GLCCI1: variants seen among roughly 807,000 people sequenced by gnomAD.
GLCCI1 encodes glucocorticoid induced 1.
A neutral mutation model predicts 52.2 loss-of-function variants in GLCCI1; 24 were observed. That is an observed-to-expected ratio of 0.46 (90% confidence interval 0.33 to 0.65). The LOEUF (loss-of-function observed/expected upper bound fraction) is 0.65. Ranked by LOEUF, GLCCI1 falls within the 30% of genes least tolerant of loss-of-function variation. The pLI, the probability that GLCCI1 is intolerant of heterozygous loss-of-function variation, is 0.02. For missense variants in GLCCI1, 704 were observed against 701.5 expected, an observed-to-expected ratio of 1.00 and a Z score of -0.04; for synonymous variants, 310 against 276.5, an observed-to-expected ratio of 1.12 and a Z score of -1.20.
intron 5 of GLCCI1, 93 bp downstream of exon 5, chr7:8,060,341 A>G: frequency 1.0e-6 from 1 of 960,226 alleles, no homozygotes; most frequent in Non-Finnish European, 1.6e-6. Flanking sequence ...GTTAAGATAT[A>G]ATTCACATAC....
In GLCCI1 at chr7:8,050,782, T is replaced by A. The variant is rs143049996; in HGVS notation, c.697-4651T>A. ...AGAGAGCAGAATGTGGAATTCCACTTACTGAGTCCAAACACTTGTTTACCA... is the reference window on the plus strand; with the variant it reads ...AGAGAGCAGAATGTGGAATTCCACTAACTGAGTCCAAACACTTGTTTACCA... On this transcript the variant is annotated intron_variant, in intron 3 of 7. Transcript: ENST00000223145. Among the ~76,000 whole-genome samples, 533 of 152,332 alleles carry A rather than the reference T, an allele frequency of 3.5e-3. 5 individuals are homozygous for A. The highest frequency in any genetic ancestry group is 0.012 in the African/African-American group (501 of 41,582).
chr7:8,055,624 T>A, intron 4 of GLCCI1, 75 bp downstream of exon 4: 1 of 872,298 alleles, frequency 1.1e-6, no homozygotes, highest in South Asian at 1.4e-5. Context: ...ATTTCAGCAT[T>A]TAAAAAAACC....
intron 2 of GLCCI1, among the ~76,000 whole-genome samples, chr7:8,021,738 C>T (rs899814594): frequency 3.3e-5 from 5 of 152,180 alleles, no homozygotes; most frequent in African/African-American, 9.7e-5. Flanking sequence ...ATTAAATGGT[C>T]TTAACCACTG....
chr7:7,990,956 A>C (rs1199878947), intron 1 of GLCCI1, among the ~76,000 whole-genome samples: 1 of 152,064 alleles, frequency 6.6e-6, no homozygotes, highest in Non-Finnish European at 1.5e-5. Flanking sequence ...GGGGGTGGGG[A>C]GAATACAGCT....
intron 3 of GLCCI1, among the ~76,000 whole-genome samples, chr7:8,053,118 A>C (rs1353560469): frequency 6.6e-6 from 1 of 151,870 alleles, no homozygotes; most frequent in African/African-American, 2.4e-5. Flanking sequence ...AAGTTTTCAA[A>C]AAATGTGTTT....
At chr7:7,998,152 A>G (rs1583957892) in intron 1 of GLCCI1, among the ~76,000 whole-genome samples, 1 of 142,400 alleles carries the variant, frequency 7.0e-6, no homozygotes, top group Non-Finnish European at 1.5e-5. Flanking sequence ...TCAGACTTAC[A>G]TTTTTGAGGA....
chr7:7,983,163 T>C (rs1275024932), intron 1 of GLCCI1, among the ~76,000 whole-genome samples: 1 of 152,088 alleles, frequency 6.6e-6, no homozygotes, highest in Non-Finnish European at 1.5e-5. Flanking sequence ...TTTTCTTTTT[T>C]ATGGGCATAT....
chr7:8,028,259 A>G (rs1036072701), intron 3 of GLCCI1, among the ~76,000 whole-genome samples: 1 of 152,222 alleles, frequency 6.6e-6, no homozygotes, highest in African/African-American at 2.4e-5. Flanking sequence ...AATATCAGGA[A>G]TCCTCTCTGA....
At chr7:7,993,998 A>C (rs561367666) in intron 1 of GLCCI1, among the ~76,000 whole-genome samples, 1 of 152,294 alleles carries the variant, frequency 6.6e-6, no homozygotes, top group East Asian at 1.9e-4. Context: ...ATTGTCCTTG[A>C]ATCTTTTGTT....
chr7:7,985,501 A>G (rs1780704238), intron 1 of GLCCI1, among the ~76,000 whole-genome samples: 1 of 151,474 alleles, frequency 6.6e-6, no homozygotes, highest in South Asian at 2.1e-4. Flanking sequence ...CCTGTGTAAC[A>G]AACCTGCACG....
chr7:8,072,022 C>A (rs1371743864), intron 6 of GLCCI1, among the ~76,000 whole-genome samples: 1 of 152,132 alleles, frequency 6.6e-6, no homozygotes. Context: ...AAGTGCTCAG[C>A]CAAATGAATT....
rs147138403 is a variant in GLCCI1 at position 8,026,673 on chromosome 7, A to C, written c.696+4104A>C. 5.6e-3 allele frequency among the ~76,000 whole-genome samples: 859 copies of C among 152,378 alleles called. 4 individuals carry two copies. Among genetic ancestry groups the C allele is most frequent in the African/African-American group, 0.019 (801 of 41,586 alleles). On this transcript the variant is annotated intron_variant, in intron 3 of 7. Transcript: ENST00000223145. ...ACTGAACTCAGTACTGCCATATCAC[A>C]GTGAAGAATAAAGCCATGCTGGCCT...
chr7:7,971,273 C>G (rs1167012843), intron 1 of GLCCI1, among the ~76,000 whole-genome samples: 1 of 152,164 alleles, frequency 6.6e-6, no homozygotes, highest in African/African-American at 2.4e-5. Flanking sequence ...CGTGATCGCC[C>G]TAATAATGAC....
intron 1 of GLCCI1, among the ~76,000 whole-genome samples, chr7:7,985,671 T>C (rs1780709394): frequency 6.6e-6 from 1 of 152,232 alleles, no homozygotes; most frequent in South Asian, 2.1e-4. Flanking sequence ...ACACCTTGAC[T>C]GAACTGTTTA....
intron 2 of GLCCI1, among the ~76,000 whole-genome samples, chr7:8,019,728 G>A (rs562378443): frequency 4.6e-5 from 7 of 152,254 alleles, no homozygotes; most frequent in South Asian, 2.1e-4. Context: ...GCATGTTACC[G>A]TAATGCAGAC....
At chr7:7,976,239 G>A (rs927267666) in intron 1 of GLCCI1, among the ~76,000 whole-genome samples, 1 of 152,104 alleles carries the variant, frequency 6.6e-6, no homozygotes, top group Non-Finnish European at 1.5e-5. Flanking sequence ...AGCACTTTGG[G>A]AGGCTGTGGT....
intron 5 of GLCCI1, among the ~76,000 whole-genome samples, chr7:8,062,950 G>A (rs758919194): frequency 2.0e-5 from 3 of 152,084 alleles, no homozygotes; most frequent in Admixed American, 6.5e-5. Context: ...GTGTCTTTAT[G>A]GTAGAGCAAT....
chr7:7,994,012 C>G (rs1451212762), intron 1 of GLCCI1, among the ~76,000 whole-genome samples: 1 of 152,106 alleles, frequency 6.6e-6, no homozygotes, highest in Non-Finnish European at 1.5e-5. Flanking sequence ...TTTTGTTTGG[C>G]TATTGTCTTA....
rs1438360998 is a variant in GLCCI1, at chr7:8,087,516, G to C, written c.*978G>C. The C allele has an allele frequency of 2.0e-5, 3 of 152,628 alleles. No individual in the cohort carries two copies. The East Asian group carries it at 5.8e-4, about 29-fold the overall frequency. 9.5% of individuals were successfully genotyped at this position (152,628 alleles called of 1,614,324 possible). ...TTCAAAATAAGTGAAGTGTTTGACG[G>C]AATGGTTGAGATTTTTTTGTTTATG... is the stretch of plus-strand genomic sequence containing the variant. On this transcript the variant is annotated 3_prime_UTR_variant, in exon 8 of 8. Transcript: ENST00000223145.
Sources: gnomAD v4.1 joint callset for allele counts (sites outside exome capture counted in the v4.1 genomes callset) on GRCh38, gnomAD v4.1.1 for gene constraint, MANE v1.5 for transcripts, NCBI Gene and HGNC (gene_info 2026-07-23, HGNC 2026-07-21) for gene names.